The following KCTD5 variants were observed in gnomAD, a reference collection of about 807,000 sequenced individuals.
KCTD5 encodes the protein BTB/POZ domain-containing protein KCTD5.
In KCTD5, 12 loss-of-function variants were observed where a neutral mutation model predicts 27.9. The ratio of observed to expected loss-of-function variants is 0.43; its 90% CI spans 0.28 to 0.70. The LOEUF (loss-of-function observed/expected upper bound fraction) is 0.70, where lower values mean the gene tolerates loss of function less well. KCTD5 is among the 30% of genes least tolerant of loss of function. KCTD5 has a pLI of 0.19. For missense variants in KCTD5, 226 were observed against 274.8 expected (o/e 0.82, Z 1.26); for synonymous variants, 147 against 121.4 (o/e 1.21, Z -1.39).
chr16:2,698,805 C>A lies in KCTD5; in HGVS notation c.453+808C>A, dbSNP rs1231644294. Among the ~76,000 whole-genome samples, 3 of 152,226 alleles carry A rather than the reference C, an allele frequency of 2.0e-5. No homozygotes were observed. In the East Asian group the frequency reaches 5.8e-4, roughly 29 times the overall value. ...AGCTCCCTTGGTGCCACTGAGGGAT[C>A]TGGAGGGGCTCCTTGTCTGTGGGGC... On this transcript the variant is annotated intron_variant, in intron 3 of 5. Transcript: ENST00000301738.
chr16:2,688,227 AAATATATATATATATATATT>A (rs2067549776), intron 1 of KCTD5, among the ~76,000 whole-genome samples: 2 of 80,354 alleles, frequency 2.5e-5, no homozygotes, highest in African/African-American at 8.7e-5. Context: ...ATAAATAAAT[AAATATATATATATATATATT>A]TATTTATTTA....
intron 1 of KCTD5, among the ~76,000 whole-genome samples, chr16:2,691,668 C>T (rs567626618): frequency 9.9e-5 from 15 of 152,200 alleles, no homozygotes; most frequent in South Asian, 6.2e-4. Flanking sequence ...GGCACTGGGG[C>T]GGCGGGGGTG....
In KCTD5 at chr16:2,701,212, G is replaced by T. The variant is rs146490693; in HGVS notation, c.550-1141G>T. On this transcript the variant is annotated intron_variant, in intron 4 of 5. Transcript: ENST00000301738. ...TCTTCGACCTTAGCACTTCTGGGTG[G>T]ATTCCAAACCCATTGCAAAGAACGG... Among the ~76,000 whole-genome samples the T allele has an allele frequency of 8.4e-3, 1,274 of 152,340 alleles. 20 individuals are homozygous for T. The highest frequency in any genetic ancestry group is 0.029 in the African/African-American group (1,216 of 41,574).
chr16:2,687,365 C>G (rs2067544370), intron 1 of KCTD5, among the ~76,000 whole-genome samples: 1 of 152,230 alleles, frequency 6.6e-6, no homozygotes, highest in Non-Finnish European at 1.5e-5. Context: ...CGCCTCCAGA[C>G]TTCTGCGGGT....
At position 2,688,243 on chromosome 16, in the gene KCTD5, A is replaced by ATATT. The variant is rs56117069; in HGVS notation, c.252+5465_252+5468dup. On this transcript the variant is annotated intron_variant, in intron 1 of 5. Transcript: ENST00000301738. ...TAAATAAATAAATATATATATATAT[A>ATATT]TATTTATTTATTTATTTATTTATTT... 1.1e-3 allele frequency among the ~76,000 whole-genome samples: 71 copies of ATATT among 64,242 alleles called. 1 individual carries two copies. The highest frequency in any genetic ancestry group is 3.2e-3 in the African/African-American group (64 of 19,938). 42.1% of individuals were successfully genotyped at this position (64,242 alleles called of 152,430 possible).
At position 2,707,831 on chromosome 16, in the gene KCTD5, G is replaced by A. The variant is rs1193810602; in HGVS notation, c.*504G>A. On this transcript the variant is annotated 3_prime_UTR_variant, in exon 6 of 6. Transcript: ENST00000301738. Reference sequence around the variant, plus strand: ...GGGATCGCTGGTTTCTCTCGACCTCGCAGAGCTCCTGACAAAGGCGGCTTC... The same window carrying A: ...GGGATCGCTGGTTTCTCTCGACCTCACAGAGCTCCTGACAAAGGCGGCTTC... The A allele has an allele frequency of 3.2e-5, 7 of 218,060 alleles. No homozygotes were observed. Among genetic ancestry groups the A allele is most frequent in the South Asian group, 1.5e-4 (1 of 6,512 alleles). The allele number at this position is 218,060 out of a possible 1,614,324, so 13.5% of individuals were successfully genotyped here.
At chr16:2,691,741 C>T (rs2067567711) in intron 1 of KCTD5, among the ~76,000 whole-genome samples, 1 of 152,146 alleles carries the variant, frequency 6.6e-6, no homozygotes, top group African/African-American at 2.4e-5. Context: ...GCCCTGCAGC[C>T]TTGGCTCCCA....
At chr16:2,698,093 G>A (rs2067594481) in intron 3 of KCTD5, 96 bp downstream of exon 3, 1 of 810,482 alleles carries the variant, frequency 1.2e-6, no homozygotes, top group African/African-American at 1.7e-5. Flanking sequence ...AATAAGTCCT[G>A]CGGTCTGGGG....
chr16:2,688,423 G>C (rs991601608), intron 1 of KCTD5, among the ~76,000 whole-genome samples: 1 of 151,662 alleles, frequency 6.6e-6, no homozygotes, highest in Non-Finnish European at 1.5e-5. Context: ...GCTGATTTTT[G>C]TATAGTCAGT....
intron 2 of KCTD5, among the ~76,000 whole-genome samples, chr16:2,696,998 C>T (rs553130775): frequency 6.6e-5 from 10 of 152,376 alleles, no homozygotes; most frequent in African/African-American, 2.2e-4. Context: ...GCGCTAGACA[C>T]AGACCAAGGC....
intron 5 of KCTD5, among the ~76,000 whole-genome samples, chr16:2,705,909 T>C (rs2067633586): frequency 6.6e-6 from 1 of 152,274 alleles, no homozygotes; most frequent in East Asian, 1.9e-4. Context: ...AGGGAGCTGT[T>C]GGGGCTCCCG....
In KCTD5 at chr16:2,707,656, C is replaced by T. The variant is rs777516487; in HGVS notation, c.*329C>T. On this transcript the variant is annotated 3_prime_UTR_variant, in exon 6 of 6. Coordinates refer to ENST00000301738, the MANE Select transcript of KCTD5 (RefSeq NM_018992.4). ...GATCCTGAAGATCGTGTGAAGGAAG[C>T]GTTCTTGGTGCTACACACAGTCTGG... 2 of 592,298 alleles carry T rather than the reference C, an allele frequency of 3.4e-6. No homozygotes were observed. The highest frequency in any genetic ancestry group is 3.0e-5 in the Admixed American group (1 of 33,438). The allele number at this position is 592,298 out of a possible 1,614,324, so 36.7% of individuals were successfully genotyped here.
At chr16:2,706,527 C>G (rs2067636799) in intron 5 of KCTD5, among the ~76,000 whole-genome samples, 1 of 152,192 alleles carries the variant, frequency 6.6e-6, no homozygotes, top group Non-Finnish European at 1.5e-5. Context: ...GGGAGTTCAC[C>G]TCAGCAGCAT....
At chr16:2,682,987 G>C in intron 1 of KCTD5, 187 bp downstream of exon 1, 2 of 629,326 alleles carry the variant, frequency 3.2e-6, no homozygotes, top group East Asian at 6.9e-5. Flanking sequence ...GGAGGGGAGG[G>C]TGAGGATGGC....
intron 1 of KCTD5, among the ~76,000 whole-genome samples, chr16:2,691,791 C>A (rs1478636501): frequency 6.6e-6 from 1 of 152,204 alleles, no homozygotes; most frequent in African/African-American, 2.4e-5. Context: ...TGGAAGTCTT[C>A]CAGAGGCTGC....
intron 2 of KCTD5, 52 bp from the exon 3 acceptor site, chr16:2,697,854 T>C: frequency 1.5e-6 from 2 of 1,313,794 alleles, no homozygotes; most frequent in Non-Finnish European, 2.2e-6. Flanking sequence ...AAAGCGTGGA[T>C]TCTTTGGTTT....
At chr16:2,692,029 G>C (rs2067569067) in intron 1 of KCTD5, among the ~76,000 whole-genome samples, 1 of 152,186 alleles carries the variant, frequency 6.6e-6, no homozygotes, top group South Asian at 2.1e-4. Flanking sequence ...AGGAGCCTGA[G>C]CTCCAGGGAC....
intron 5 of KCTD5, among the ~76,000 whole-genome samples, chr16:2,704,067 G>A (rs948428783): frequency 2.6e-5 from 4 of 152,222 alleles, no homozygotes; most frequent in Non-Finnish European, 5.9e-5. Flanking sequence ...GAAAGGACAC[G>A]CTCTGTACTG....
At chr16:2,698,477 C>G (rs958125297) in intron 3 of KCTD5, among the ~76,000 whole-genome samples, 5 of 152,226 alleles carry the variant, frequency 3.3e-5, no homozygotes, top group African/African-American at 1.2e-4. Context: ...TCACAGCTGG[C>G]ACGGCCCTTC....
Sources: allele counts gnomAD v4.1 joint callset (sites outside exome capture counted in the v4.1 genomes callset), GRCh38; gene constraint gnomAD v4.1.1; transcripts MANE v1.5; gene names NCBI Gene and HGNC (gene_info 2026-07-23, HGNC 2026-07-21).